HPSE2: variants seen among roughly 807,000 people sequenced by gnomAD.
HPSE2 encodes inactive heparanase-2.
Under a neutral mutation model 60.5 loss-of-function variants are expected in HPSE2, and 38 were observed. The ratio of observed to expected loss-of-function variants is 0.63; its 90% CI spans 0.48 to 0.82. The LOEUF (loss-of-function observed/expected upper bound fraction) is 0.82, where lower values mean the gene tolerates loss of function less well. Ranked by LOEUF, HPSE2 falls within the 40% of genes least tolerant of loss-of-function variation. The pLI is 0.00. For synonymous variants in HPSE2, 295 were observed against 293.2 expected (o/e 1.01, Z -0.06); for missense variants, 713 against 740.4 (o/e 0.96, Z 0.43).
intron 2 of HPSE2, among the ~76,000 whole-genome samples, chr10:99,194,021 G>GT (rs1249348865): frequency 1.3e-5 from 2 of 151,994 alleles, no homozygotes; most frequent in East Asian, 3.9e-4. Context: ...AACAGACCAC[G>GT]TAAGGCCACA....
intron 6 of HPSE2, among the ~76,000 whole-genome samples, chr10:98,644,638 A>C (rs748408020): frequency 4.0e-4 from 61 of 152,342 alleles, no homozygotes; most frequent in East Asian, 1.9e-4. Flanking sequence ...ACTGTCATAC[A>C]CTACTAGGAC....
intron 3 of HPSE2, among the ~76,000 whole-genome samples, chr10:99,044,870 G>A (rs1472408600): frequency 6.6e-6 from 1 of 152,134 alleles, no homozygotes; most frequent in Non-Finnish European, 1.5e-5. Flanking sequence ...CATAAAACAA[G>A]TTCTTCTTGG....
At chr10:98,482,504 C>T in intron 11 of HPSE2, 132 bp downstream of exon 11, 1 of 1,104,252 alleles carries the variant, frequency 9.1e-7, no homozygotes, top group South Asian at 1.3e-5. Flanking sequence ...CACCTGACCC[C>T]AGACCGCTCT....
chr10:98,829,288 G>A (rs1471560436), intron 3 of HPSE2, among the ~76,000 whole-genome samples: 3 of 152,232 alleles, frequency 2.0e-5, no homozygotes, highest in African/African-American at 7.2e-5. Flanking sequence ...CCAGCACTTT[G>A]GGAGGCCGAG....
intron 9 of HPSE2, among the ~76,000 whole-genome samples, chr10:98,530,785 G>A (rs909822210): frequency 4.6e-5 from 7 of 152,064 alleles, no homozygotes; most frequent in South Asian, 2.1e-4. Flanking sequence ...ATGCAGCCCC[G>A]CATTTTCATC....
chr10:98,951,471 G>T (rs1955355040), intron 3 of HPSE2, among the ~76,000 whole-genome samples: 1 of 152,056 alleles, frequency 6.6e-6, no homozygotes, highest in South Asian at 2.1e-4. Flanking sequence ...AAGCACCAGG[G>T]AAGTGACAAA....
At chr10:99,184,104 C>A (rs1433681701) in intron 2 of HPSE2, among the ~76,000 whole-genome samples, 1 of 152,096 alleles carries the variant, frequency 6.6e-6, no homozygotes, top group Non-Finnish European at 1.5e-5. Context: ...CCCAAAATGT[C>A]TGACATCCAA....
At chr10:98,723,943 GT>G (rs769589244) in intron 4 of HPSE2, among the ~76,000 whole-genome samples, 1 of 152,040 alleles carries the variant, frequency 6.6e-6, no homozygotes, top group African/African-American at 2.4e-5. Flanking sequence ...TTTTTGAAGG[GT>G]TTTTTGTGTC....
chr10:98,630,360 A>G (rs932960586), intron 7 of HPSE2, among the ~76,000 whole-genome samples: 7 of 151,360 alleles, frequency 4.6e-5, no homozygotes, highest in Non-Finnish European at 8.9e-5. Flanking sequence ...ACCACGCCCA[A>G]CTAATTTTTT....
chr10:99,254,659 T>C, the HPSE2 span, among the ~76,000 whole-genome samples: 1 of 152,244 alleles, frequency 6.6e-6, no homozygotes, highest in Non-Finnish European at 1.5e-5. Flanking sequence ...GTTTTTCCTA[T>C]AGCATATCTA....
chr10:98,575,617 A>G (rs570353007), intron 9 of HPSE2, among the ~76,000 whole-genome samples: 2 of 152,336 alleles, frequency 1.3e-5, no homozygotes, highest in Admixed American at 6.5e-5. Context: ...TGCTATCATG[A>G]CCTTCATTTT....
chr10:99,305,979 G>GTGCACACACACA, the HPSE2 span, among the ~76,000 whole-genome samples: 1 of 80,580 alleles, frequency 1.2e-5, no homozygotes, highest in Non-Finnish European at 2.4e-5. Context: ...GCGCGCGCGC[G>GTGCACACACACA]CACACACACA....
intron 10 of HPSE2, among the ~76,000 whole-genome samples, chr10:98,484,384 T>A (rs1941363262): frequency 6.6e-6 from 1 of 152,188 alleles, no homozygotes; most frequent in Non-Finnish European, 1.5e-5. Context: ...ATTACAGGCG[T>A]GCGCCACCAC....
At chr10:98,647,487 G>A (rs1946803652) in intron 6 of HPSE2, among the ~76,000 whole-genome samples, 1 of 152,208 alleles carries the variant, frequency 6.6e-6, no homozygotes, top group Admixed American at 6.5e-5. Flanking sequence ...AGGAGGGGCA[G>A]CCTGCTCAGA....
At chr10:99,069,412 T>C (rs1363297699) in intron 3 of HPSE2, among the ~76,000 whole-genome samples, 1 of 152,090 alleles carries the variant, frequency 6.6e-6, no homozygotes, top group Non-Finnish European at 1.5e-5. Flanking sequence ...GAGCTAGACC[T>C]CGCAGTTCTT....
intron 3 of HPSE2, among the ~76,000 whole-genome samples, chr10:98,782,937 T>TA (rs1565160422): frequency 1.8e-5 from 1 of 57,028 alleles, no homozygotes; most frequent in Non-Finnish European, 3.3e-5. Context: ...TTTTTTTTTT[T>TA]AATGTTTTTT....
intron 6 of HPSE2, among the ~76,000 whole-genome samples, chr10:98,644,346 A>C (rs1946712105): frequency 6.6e-6 from 1 of 152,214 alleles, no homozygotes; most frequent in Non-Finnish European, 1.5e-5. Context: ...TTACACTGAA[A>C]GGCCATGGGA....
At chr10:99,267,089 G>A in the HPSE2 span, among the ~76,000 whole-genome samples, 1 of 151,884 alleles carries the variant, frequency 6.6e-6, no homozygotes, top group Admixed American at 6.6e-5. Context: ...AACAAAACAA[G>A]GTTCTTTAAC....
intron 3 of HPSE2, among the ~76,000 whole-genome samples, chr10:98,832,650 T>C (rs1368219658): frequency 6.6e-6 from 1 of 152,102 alleles, no homozygotes; most frequent in African/African-American, 2.4e-5. Context: ...AGGATTTAGA[T>C]AACGACCACT....
Sources: allele counts gnomAD v4.1 joint callset (sites outside exome capture counted in the v4.1 genomes callset), GRCh38; gene constraint gnomAD v4.1.1; transcripts MANE v1.5; gene names NCBI Gene and HGNC (gene_info 2026-07-23, HGNC 2026-07-21).